The following NLRP1 variants were observed in gnomAD, a reference collection of about 807,000 sequenced individuals.
The protein encoded by NLRP1 is NACHT, LRR and PYD domains-containing protein 1.
A neutral mutation model predicts 136.7 loss-of-function variants in NLRP1; 94 were observed. That is an observed-to-expected ratio of 0.69 (90% confidence interval 0.58 to 0.82). The LOEUF is 0.82. NLRP1 is among the 40% of genes least tolerant of loss of function. NLRP1 has a pLI of 0.00. For missense variants in NLRP1, 1,575 were observed against 1,802.7 expected, an observed-to-expected ratio of 0.87 and a Z score of 2.29; for synonymous variants, 690 against 725.1, an observed-to-expected ratio of 0.95 and a Z score of 0.78.
At chr17:5,557,724 G>A (rs772693195) in intron 4 of NLRP1, among the ~76,000 whole-genome samples, 2 of 152,330 alleles carry the variant, frequency 1.3e-5, no homozygotes, top group South Asian at 2.1e-4. Flanking sequence ...CAGTACTGCC[G>A]GGCTGGAGAA....
In NLRP1 at chr17:5,573,252, G is replaced by A. The variant is rs895462568; in HGVS notation, c.652+8607C>T. Reference sequence around the variant, plus strand: ...GCAGTCTGAGATTGAACAGCAAGGCGGCAGTGAGGCGGGGGGAGGGGTGCC... The same window carrying A: ...GCAGTCTGAGATTGAACAGCAAGGCAGCAGTGAGGCGGGGGGAGGGGTGCC... On this transcript the variant is annotated intron_variant, in intron 3 of 16. Coordinates refer to ENST00000572272, the MANE Select transcript of NLRP1 (RefSeq NM_033004.4). 5.9e-5 allele frequency among the ~76,000 whole-genome samples: 9 copies of A among 152,294 alleles called. 1 individual carries two copies. The highest frequency in any genetic ancestry group is 2.0e-4 in the Admixed American group (3 of 15,300).
chr17:5,561,722 C>T (rs904470218), intron 3 of NLRP1, among the ~76,000 whole-genome samples: 3 of 151,324 alleles, frequency 2.0e-5, no homozygotes, highest in Non-Finnish European at 2.9e-5. Context: ...GGATTACAGG[C>T]GTGAGCCACC....
chr17:5,537,513 T>A lies in NLRP1; in HGVS notation c.2871-573A>T, dbSNP rs2151767102. ...GGGGTTTCTGCCAGATGTGAGATGC[T>A]GATTGTCTTCTCTGGGTCTCTGTGT... On this transcript the variant is annotated intron_variant, in intron 7 of 16. Transcript: ENST00000572272. The surrounding 1 kb of genome is among the most constrained non-coding windows in gnomAD (Gnocchi z 4.5). Among the ~76,000 whole-genome samples the A allele has an allele frequency of 6.6e-6, 1 of 152,264 alleles. No homozygotes were observed. Among genetic ancestry groups the A allele is most frequent in the East Asian group, 1.9e-4 (1 of 5,172 alleles).
intron 9 of NLRP1, 60 bp downstream of exon 9, chr17:5,533,837 C>T: frequency 1.7e-6 from 2 of 1,147,374 alleles, no homozygotes; most frequent in Non-Finnish European, 2.6e-6. Flanking sequence ...GAATGACCTC[C>T]CACAGCTGAC....
chr17:5,581,868 A>C lies in NLRP1; in HGVS notation c.643T>G (p.Tyr215Asp), dbSNP rs769899247. 2.9e-5 allele frequency: 46 copies of C among 1,611,928 alleles called. No individual in the cohort carries two copies. The Admixed American group carries it at 5.2e-4, about 18-fold the overall frequency. Residue 215 changes from tyrosine to aspartate, a missense_variant, in exon 3 of 17, where the codon TAC becomes GAC. Coordinates refer to ENST00000572272, the MANE Select transcript of NLRP1 (RefSeq NM_033004.4). ...QWPLDETSGI[Y>D]YTEIRERERE... Reference sequence around the variant, plus strand: ...CTCAGTAGGGTCTCACCTGTGTAGTAAATTCCTGACGTTTCATCCAGAGGC... The same window carrying C: ...CTCAGTAGGGTCTCACCTGTGTAGTCAATTCCTGACGTTTCATCCAGAGGC...
Position 5,514,164 on chromosome 17 carries a change from G to A in NLRP1, c.*590C>T, listed in dbSNP as rs1168944058. On this transcript the variant is annotated 3_prime_UTR_variant, in exon 17 of 17. Coordinates refer to ENST00000572272, the MANE Select transcript of NLRP1 (RefSeq NM_033004.4). ...CCTTTATTTTCATTTTTTCTTTTTT[G>A]TATTTTTTTAATTCTTAAATTTAAG... 1 of 153,034 alleles carries A rather than the reference G, an allele frequency of 6.5e-6. No homozygotes were observed. The highest frequency in any genetic ancestry group is 2.4e-5 in the African/African-American group (1 of 41,350). The allele number at this position is 153,034 out of a possible 1,614,324, so 9.5% of individuals were successfully genotyped here.
chr17:5,519,445 CTTTTT>C (rs74550306), intron 14 of NLRP1, among the ~76,000 whole-genome samples: 1 of 131,788 alleles, frequency 7.6e-6, no homozygotes, highest in Non-Finnish European at 1.6e-5. Flanking sequence ...CACACCTGGC[CTTTTT>C]TTTTTTTTTT....
At chr17:5,539,043 A>T (rs1428256668) in intron 7 of NLRP1, among the ~76,000 whole-genome samples, 3 of 151,992 alleles carry the variant, frequency 2.0e-5, no homozygotes, top group African/African-American at 7.3e-5. Context: ...GCTAGTTTTT[A>T]TATTTTTAGT....
chr17:5,558,315 G>A, intron 4 of NLRP1, 24 bp downstream of exon 4: 1 of 1,572,368 alleles, frequency 6.4e-7, no homozygotes, highest in Non-Finnish European at 8.6e-7. Context: ...AGGAGCTGCA[G>A]ACATGGGTGG....
intron 15 of NLRP1, among the ~76,000 whole-genome samples, chr17:5,508,343 G>A (rs775375015): frequency 2.6e-5 from 4 of 152,212 alleles, no homozygotes; most frequent in Non-Finnish European, 5.9e-5. Context: ...TAGAGACAGA[G>A]TCTTGCTATG....
intron 3 of NLRP1, among the ~76,000 whole-genome samples, chr17:5,569,831 A>G (rs1915685987): frequency 6.6e-6 from 1 of 152,214 alleles, no homozygotes; most frequent in Non-Finnish European, 1.5e-5. Context: ...TCTCATTTGC[A>G]CATGGCATAT....
At position 5,514,977 on chromosome 17, in the gene NLRP1, A is replaced by C. The variant is rs761021425; in HGVS notation, c.4199T>G (p.Leu1400Trp). The C allele has an allele frequency of 9.3e-6, 15 of 1,614,132 alleles. No homozygotes were observed. The highest frequency in any genetic ancestry group is 7.7e-5 in the South Asian group (7 of 91,088). The change falls in exon 17 of 17, where the codon TTG becomes TGG. Residue 1400 changes from leucine to tryptophan, a missense_variant. By Grantham distance (61) the Leu-to-Trp change is moderately conservative. Coordinates refer to ENST00000572272, the MANE Select transcript of NLRP1 (RefSeq NM_033004.4). ...IARVTSVEVV[L>W]DKLHGQVLSQ... ...CAGCACCTGTCCATGCAGTTTGTCCAAGACAACCTCCACCGATGTCACTCG... is the reference window on the plus strand; with the variant it reads ...CAGCACCTGTCCATGCAGTTTGTCCCAGACAACCTCCACCGATGTCACTCG...
chr17:5,563,539 G>T (rs1914991001), intron 3 of NLRP1, among the ~76,000 whole-genome samples: 2 of 152,166 alleles, frequency 1.3e-5, no homozygotes, highest in South Asian at 4.1e-4. Context: ...AGAGCCTGAA[G>T]ACTGGTTCTC....
intron 3 of NLRP1, among the ~76,000 whole-genome samples, chr17:5,564,076 T>C (rs139271129): frequency 1.4e-3 from 213 of 152,318 alleles, no homozygotes; most frequent in African/African-American, 4.8e-3. Flanking sequence ...TTTGTGGATA[T>C]GTAGTAGGTG....
intron 6 of NLRP1, 121 bp from the exon 7 acceptor site, chr17:5,539,706 G>A (rs1911609179): frequency 7.1e-7 from 1 of 1,412,128 alleles, no homozygotes; most frequent in Non-Finnish European, 9.2e-7. Flanking sequence ...ATGACATGCA[G>A]AGAAGATACA....
Position 5,516,484 on chromosome 17 carries a change from T to C in NLRP1, c.4058-967A>G, listed in dbSNP as rs11868845. 8.4e-3 allele frequency among the ~76,000 whole-genome samples: 1,278 copies of C among 152,314 alleles called. 23 individuals are homozygous for C. In the East Asian group the frequency reaches 0.086, roughly 10 times the overall value. On this transcript the variant is annotated intron_variant, in intron 15 of 16. Coordinates refer to ENST00000572272, the MANE Select transcript of NLRP1 (RefSeq NM_033004.4). Reference sequence around the variant, plus strand: ...CTTTTTAGATTTAAGGGGAAGGAGATAGACTTTTTCTATGAGTTCCAAGGG... The same window carrying C: ...CTTTTTAGATTTAAGGGGAAGGAGACAGACTTTTTCTATGAGTTCCAAGGG...
Position 5,581,937 on chromosome 17 carries a change from G to C in NLRP1, c.574C>G (p.Pro192Ala). Residue 192 changes from proline (P) to alanine (A), a missense_variant, in exon 3 of 17, where the codon CCC becomes GCC. Coordinates refer to ENST00000572272, the MANE Select transcript of NLRP1 (RefSeq NM_033004.4). ...VLGSWGSPPQ[P>A]SLAPREQEAP... Reference sequence around the variant, plus strand: ...TCCTGCTCTCTGGGTGCTAGGCTGGGCTGAGGTGGGGATCCCCAGCTCCCC... The same window carrying C: ...TCCTGCTCTCTGGGTGCTAGGCTGGCCTGAGGTGGGGATCCCCAGCTCCCC... The C allele has an allele frequency of 1.9e-6, 3 of 1,613,932 alleles. No individual in the cohort carries two copies. Among genetic ancestry groups the C allele is most frequent in the Non-Finnish European group, 2.5e-6 (3 of 1,179,932 alleles).
chr17:5,570,922 T>C (rs975367152), intron 3 of NLRP1, among the ~76,000 whole-genome samples: 7 of 152,312 alleles, frequency 4.6e-5, no homozygotes, highest in East Asian at 1.9e-4. Context: ...CACAACCAGA[T>C]AGGTTTTATC....
At chr17:5,547,954 C>T (rs1392277149) in intron 5 of NLRP1, among the ~76,000 whole-genome samples, 4 of 152,100 alleles carry the variant, frequency 2.6e-5, no homozygotes, top group African/African-American at 9.7e-5. Context: ...TTCCATGATC[C>T]TTCATTGGCA....
Sources: allele counts gnomAD v4.1 joint callset (sites outside exome capture counted in the v4.1 genomes callset), GRCh38; gene constraint gnomAD v4.1.1; non-coding constraint Gnocchi (gnomAD v3.1); transcripts MANE v1.5; gene names NCBI Gene and HGNC (gene_info 2026-07-23, HGNC 2026-07-21).